The following KIF26B variants were observed in gnomAD, a reference collection of about 807,000 sequenced individuals.
The protein encoded by KIF26B is kinesin family member 26B.
KIF26B carries 63 observed loss-of-function variants against 151.2 expected under a neutral mutation model. That is an observed-to-expected ratio of 0.42 (90% CI 0.34 to 0.51). KIF26B has a LOEUF of 0.51. KIF26B is among the 20% of genes least tolerant of loss of function. KIF26B has a pLI of 0.07. For synonymous variants in KIF26B, 1,357 were observed against 1,262.1 expected (o/e 1.08, Z -1.59); for missense variants, 2,813 against 2,913.6 (o/e 0.97, Z 0.79).
intron 5 of KIF26B, among the ~76,000 whole-genome samples, chr1:245,561,871 C>T (rs562898508): frequency 2.0e-5 from 3 of 152,310 alleles, no homozygotes; most frequent in South Asian, 4.1e-4. Flanking sequence ...CCACCTGATT[C>T]TCACTACTGA....
chr1:245,425,872 G>T (rs1342015136), intron 4 of KIF26B, among the ~76,000 whole-genome samples: 2 of 152,228 alleles, frequency 1.3e-5, no homozygotes, highest in African/African-American at 4.8e-5. Context: ...TGAGCACAGA[G>T]ACTTCCAGTT....
Position 245,560,953 on chromosome 1 carries a change from G to A in KIF26B, c.1350+20003G>A, listed in dbSNP as rs777453879. On this transcript the variant is annotated intron_variant, in intron 5 of 14. Coordinates refer to ENST00000407071, the MANE Select transcript of KIF26B (RefSeq NM_018012.4). The surrounding 1 kb of genome is among the most constrained non-coding windows in gnomAD (Gnocchi z 4.3). ...TGTGATACAGGCCATGCCCCTTCTA[G>A]CCCCATGGGACACCTGACTGATAGC... is the stretch of plus-strand genomic sequence containing the variant. Among the ~76,000 whole-genome samples the A allele has an allele frequency of 3.3e-5, 5 of 152,182 alleles. No individual in the cohort carries two copies. Among genetic ancestry groups the A allele is most frequent in the Admixed American group, 6.5e-5 (1 of 15,274 alleles).
At chr1:245,224,321 G>A (rs1669834209) in intron 2 of KIF26B, among the ~76,000 whole-genome samples, 1 of 152,040 alleles carries the variant, frequency 6.6e-6, no homozygotes, top group Non-Finnish European at 1.5e-5. Flanking sequence ...TGATGTAATG[G>A]AAGGTCCTCA....
At chr1:245,315,297 G>A in intron 2 of KIF26B, among the ~76,000 whole-genome samples, 1 of 152,222 alleles carries the variant, frequency 6.6e-6, no homozygotes, top group African/African-American at 2.4e-5. Flanking sequence ...ATGGATGGTG[G>A]CAACAGTTGC....
rs892010720 is a variant in KIF26B, at chr1:245,667,965, A to T, written c.2259-16268A>T. ...GAGTGCAGTGCAGTGGCGCAATCTC[A>T]GCTCACTGCAACTTCCACCTCCCAG... On this transcript the variant is annotated intron_variant, in intron 10 of 14. Transcript: ENST00000407071. The surrounding 1 kb of genome is among the most constrained non-coding windows in gnomAD (Gnocchi z 4.3). Among the ~76,000 whole-genome samples, 1 of 152,158 alleles carries T rather than the reference A, an allele frequency of 6.6e-6. No homozygotes were observed. The highest frequency in any genetic ancestry group is 2.1e-4 in the South Asian group (1 of 4,828).
intron 5 of KIF26B, among the ~76,000 whole-genome samples, chr1:245,552,123 GT>G (rs1558211136): frequency 1.6e-3 from 22 of 13,494 alleles, no homozygotes; most frequent in East Asian, 0.016. Context: ...AACCAGCAGG[GT>G]GTGTGTGTGT....
intron 2 of KIF26B, among the ~76,000 whole-genome samples, chr1:245,208,908 T>TAC (rs1431623453): frequency 6.6e-6 from 1 of 152,190 alleles, no homozygotes; most frequent in African/African-American, 2.4e-5. Context: ...TGTGTCTGTT[T>TAC]AAACACTGTG....
Position 245,185,936 on chromosome 1 carries a change from G to A in KIF26B, c.465+29253G>A, listed in dbSNP as rs183236528. Among the ~76,000 whole-genome samples the A allele has an allele frequency of 2.1e-3, 326 of 152,016 alleles. 4 individuals carry two copies. The highest frequency in any genetic ancestry group is 2.9e-3 in the South Asian group (14 of 4,818). On this transcript the variant is annotated intron_variant, in intron 2 of 14. Transcript: ENST00000407071. ...GTCGCCCAAGCTGGAGTGCGGTGGC[G>A]TGATCTCAGCTCACTGCAACCTCCG...
At chr1:245,418,856 C>T (rs114167884) in intron 3 of KIF26B, among the ~76,000 whole-genome samples, 1 of 152,112 alleles carries the variant, frequency 6.6e-6, no homozygotes, top group South Asian at 2.1e-4. Context: ...TGATTCTTCA[C>T]AGCTTATTAC....
intron 4 of KIF26B, among the ~76,000 whole-genome samples, chr1:245,513,548 A>C (rs1237123636): frequency 6.6e-6 from 1 of 152,194 alleles, no homozygotes; most frequent in Non-Finnish European, 1.5e-5. Flanking sequence ...ACATGGAACG[A>C]AGCTTTCATT....
At chr1:245,464,133 A>G (rs1243485072) in intron 4 of KIF26B, among the ~76,000 whole-genome samples, 1 of 152,202 alleles carries the variant, frequency 6.6e-6, no homozygotes, top group Non-Finnish European at 1.5e-5. Flanking sequence ...ACACTATGAG[A>G]TAAACATCAA....
At chr1:245,594,591 T>C (rs546966036) in intron 5 of KIF26B, among the ~76,000 whole-genome samples, 50 of 152,326 alleles carry the variant, frequency 3.3e-4, no homozygotes, top group African/African-American at 1.1e-3. Context: ...TAATTTGAGG[T>C]CAGGTAGCGT....
chr1:245,157,237 T>A (rs1053605323), intron 2 of KIF26B, among the ~76,000 whole-genome samples: 2 of 152,226 alleles, frequency 1.3e-5, no homozygotes, highest in Non-Finnish European at 2.9e-5. Context: ...TTCGGAGCAG[T>A]GCTCCCTCCT....
chr1:245,209,596 G>T (rs1362292560), intron 2 of KIF26B, among the ~76,000 whole-genome samples: 1 of 152,148 alleles, frequency 6.6e-6, no homozygotes, highest in Non-Finnish European at 1.5e-5. Flanking sequence ...GGGGTGAGCC[G>T]GGAAGCCTTC....
At position 245,462,454 on chromosome 1, in the gene KIF26B, A is replaced by G. The variant is rs142177107; in HGVS notation, c.1166+42709A>G. 1.4e-3 allele frequency among the ~76,000 whole-genome samples: 210 copies of G among 152,290 alleles called. 1 individual carries two copies. Among genetic ancestry groups the G allele is most frequent in the Non-Finnish European group, 2.3e-3 (157 of 68,014 alleles). ...AGCGCATTTAGACTGGGCATAGTTT[A>G]CATTACTGAGTATTTATCAGCCAGC... On this transcript the variant is annotated intron_variant, in intron 4 of 14. Transcript: ENST00000407071.
intron 2 of KIF26B, among the ~76,000 whole-genome samples, chr1:245,199,850 TCC>T (rs1324604500): frequency 6.9e-6 from 1 of 145,104 alleles, no homozygotes; most frequent in East Asian, 2.0e-4. Flanking sequence ...CATCCACCCA[TCC>T]ACTTGTTCAT....
rs180676229 is a variant in KIF26B, at chr1:245,347,374, G to A, written c.466-19460G>A. Among the ~76,000 whole-genome samples the A allele has an allele frequency of 4.8e-4, 73 of 151,900 alleles. 1 individual carries two copies. The East Asian group carries it at 7.9e-3, about 16-fold the overall frequency. Reference sequence around the variant, plus strand: ...GTCACCCAGGCTGGAGCGTAGTGGCGTAACCACAGCTCACTGTAGCCCTGT... The same window carrying A: ...GTCACCCAGGCTGGAGCGTAGTGGCATAACCACAGCTCACTGTAGCCCTGT... On this transcript the variant is annotated intron_variant, in intron 2 of 14. Transcript: ENST00000407071.
chr1:245,181,043 G>A (rs1183611106), intron 2 of KIF26B, among the ~76,000 whole-genome samples: 1 of 152,150 alleles, frequency 6.6e-6, no homozygotes, highest in Non-Finnish European at 1.5e-5. Context: ...AGGCCTGAGA[G>A]CTGCAACAGT....
intron 4 of KIF26B, among the ~76,000 whole-genome samples, chr1:245,473,830 GGCCAGGGGCCC>G (rs1659969255): frequency 6.6e-6 from 1 of 151,814 alleles, no homozygotes; most frequent in African/African-American, 2.4e-5. Flanking sequence ...CCCTGCAAAG[GGCCAGGGGCCC>G]GTCAGTGGCT....
Sources: allele counts gnomAD v4.1 joint callset (sites outside exome capture counted in the v4.1 genomes callset), GRCh38; gene constraint gnomAD v4.1.1; non-coding constraint Gnocchi (gnomAD v3.1); transcripts MANE v1.5; gene names NCBI Gene and HGNC (gene_info 2026-07-23, HGNC 2026-07-21).